USP15: variants seen among roughly 807,000 people sequenced by gnomAD.
USP15 encodes ubiquitin carboxyl-terminal hydrolase 15.
In USP15, 18 loss-of-function variants were observed where a neutral mutation model predicts 127.1. The ratio of observed to expected loss-of-function variants is 0.14; its 90% CI spans 0.10 to 0.21. USP15 has a LOEUF of 0.21. USP15 is among the 10% of genes least tolerant of loss of function. The probability of loss-of-function intolerance (pLI) is 1.00; values close to 1 mark genes in which losing one functional copy is unlikely to be tolerated. For synonymous variants in USP15, 364 were observed against 393.7 expected, an observed-to-expected ratio of 0.92 and a Z score of 0.89; for missense variants, 805 against 1,159.9, an observed-to-expected ratio of 0.69 and a Z score of 4.44.
At chr12:62,378,856 G>A (rs1358060338) in intron 8 of USP15, among the ~76,000 whole-genome samples, 3 of 152,040 alleles carry the variant, frequency 2.0e-5, no homozygotes, top group Admixed American at 6.6e-5. Context: ...AAACATTGAA[G>A]GAAAAGAGTA....
chr12:62,375,550 G>A (rs2066800982), intron 8 of USP15, among the ~76,000 whole-genome samples: 1 of 152,054 alleles, frequency 6.6e-6, no homozygotes, highest in South Asian at 2.1e-4. Flanking sequence ...CGGAGTTCGA[G>A]GTATCAAGTT....
intron 11 of USP15, among the ~76,000 whole-genome samples, chr12:62,388,203 G>T (rs1014522947): frequency 7.1e-6 from 1 of 140,912 alleles, no homozygotes; most frequent in African/African-American, 2.7e-5. Context: ...TGTGATCTCA[G>T]CTCACTGCAA....
At chr12:62,389,276 G>A (rs1285977229) in intron 11 of USP15, among the ~76,000 whole-genome samples, 155 bp from the exon 12 acceptor site, 1 of 152,170 alleles carries the variant, frequency 6.6e-6, no homozygotes, top group African/African-American at 2.4e-5. Context: ...ATCCATGTGG[G>A]CATTGTCACA....
At chr12:62,303,995 G>A (rs970965749) in intron 3 of USP15, among the ~76,000 whole-genome samples, 1 of 151,172 alleles carries the variant, frequency 6.6e-6, no homozygotes, top group South Asian at 2.1e-4. Context: ...CTGTAAAACT[G>A]TCTAGAATTA....
intron 1 of USP15, among the ~76,000 whole-genome samples, chr12:62,284,451 T>C (rs1013215280): frequency 1.3e-5 from 2 of 152,220 alleles, no homozygotes; most frequent in Admixed American, 1.3e-4. Flanking sequence ...ATTCTGCATA[T>C]CCACTTTTAG....
Position 62,414,931 on chromosome 12 carries a change from CAT to C in USP15, c.*10561_*10562del, listed in dbSNP as rs2068120127. ...CCAATAGGATGCATATGTGTATACA[CAT>C]ATATGTATAGCTCTCTCCCTCATAT... On this transcript the variant is annotated 3_prime_UTR_variant, in exon 22 of 22. Coordinates refer to ENST00000280377, the MANE Select transcript of USP15 (RefSeq NM_001252078.2). The C allele has an allele frequency of 6.6e-6, 1 of 151,376 alleles. No individual in the cohort carries two copies. The highest frequency in any genetic ancestry group is 1.5e-5 in the Non-Finnish European group (1 of 67,918). 9.4% of individuals were successfully genotyped at this position (151,376 alleles called of 1,614,324 possible). A position where few individuals can be genotyped will look rare whatever the true frequency, so the allele number is the denominator to read the frequency against.
intron 4 of USP15, among the ~76,000 whole-genome samples, chr12:62,315,455 C>T (rs1215308560): frequency 1.3e-5 from 2 of 151,712 alleles, no homozygotes; most frequent in Non-Finnish European, 1.5e-5. Flanking sequence ...ATTTAAAAGA[C>T]ACATTTTTAA....
intron 6 of USP15, chr12:62,336,104 G>T: frequency 1.0e-6 from 1 of 985,352 alleles, no homozygotes; most frequent in Non-Finnish European, 1.2e-6. Context: ...GACCTTAAAT[G>T]CATTGACATT....
intron 1 of USP15, among the ~76,000 whole-genome samples, chr12:62,288,181 G>A (rs1429347683): frequency 1.3e-5 from 2 of 151,834 alleles, no homozygotes; most frequent in East Asian, 1.9e-4. Flanking sequence ...TGCTTTGGGC[G>A]GGGAAGTATG....
At position 62,392,022 on chromosome 12, in the gene USP15, A is replaced by C. The variant is rs552081085; in HGVS notation, c.2304+136A>C. 15 of 954,554 alleles carry C rather than the reference A, an allele frequency of 1.6e-5. 1 individual carries two copies. The highest frequency in any genetic ancestry group is 1.0e-4 in the African/African-American group (6 of 59,160). 59.1% of individuals were successfully genotyped at this position (954,554 alleles called of 1,614,324 possible). A position where few individuals can be genotyped will look rare whatever the true frequency, so the allele number is the denominator to read the frequency against. On this transcript the variant is annotated intron_variant, in intron 17 of 21. Coordinates refer to ENST00000280377, the MANE Select transcript of USP15 (RefSeq NM_001252078.2). ...TTTGCCAGTAAAAAATTGGTCATGAACTAGAAAAAAAAGTCTTTGCAAAAA... is the reference window on the plus strand; with the variant it reads ...TTTGCCAGTAAAAAATTGGTCATGACCTAGAAAAAAAAGTCTTTGCAAAAA...
chr12:62,360,267 T>TA (rs542075559), intron 8 of USP15, among the ~76,000 whole-genome samples: 233 of 152,286 alleles, frequency 1.5e-3, no homozygotes, highest in African/African-American at 5.5e-3. Flanking sequence ...ATCAAAGACT[T>TA]ATTCATTATT....
chr12:62,309,520 C>A (rs1164804553), intron 3 of USP15, among the ~76,000 whole-genome samples: 1 of 152,008 alleles, frequency 6.6e-6, no homozygotes, highest in African/African-American at 2.4e-5. Context: ...CACACAGATT[C>A]TTTCTGAGAA....
chr12:62,389,677 A>G lies in USP15; in HGVS notation c.1630A>G (p.Met544Val). ...TATGGATGAAAACCTTAGTAGTATTATGGAACGGGATGATATTTATGTGTA... is the reference window on the plus strand; with the variant it reads ...TATGGATGAAAACCTTAGTAGTATTGTGGAACGGGATGATATTTATGTGTA... ...FAMDENLSSI[M>V]ERDDIYVFEI... The change falls in exon 13 of 22, where the codon ATG (methionine) becomes GTG (valine). Residue 544 changes from methionine (M) to valine (V), a missense_variant. Physicochemically the swap from Met to Val is conservative, Grantham distance 21 (BLOSUM62 1). Around this residue, in one of 11 missense-constraint regions of USP15, gnomAD observed 82 missense variants for 104.4 expected, o/e 0.79. Transcript: ENST00000280377. 1.2e-6 allele frequency: 2 copies of G among 1,613,282 alleles called. No individual in the cohort carries two copies. The highest frequency in any genetic ancestry group is 1.7e-6 in the Non-Finnish European group (2 of 1,179,448).
chr12:62,393,198 A>G lies in USP15; in HGVS notation c.2566A>G (p.Ile856Val). ...GTTGGATACCTTAGTTGATTTTCCTATCAAGTAAGCTTTAATTGTACTTTA... is the reference window on the plus strand; with the variant it reads ...GTTGGATACCTTAGTTGATTTTCCTGTCAAGTAAGCTTTAATTGTACTTTA... Reference protein sequence around the residue: ...DKLDTLVDFPINDLDMSEFLI... With the variant: ...DKLDTLVDFPVNDLDMSEFLI... The change falls in exon 19 of 22, where the codon ATC becomes GTC. Residue 856 changes from isoleucine to valine, a missense_variant. Ile to Val is a conservative substitution (Grantham distance 29). Transcript: ENST00000280377. 6.2e-7 allele frequency: 1 copy of G among 1,612,300 alleles called. No homozygotes were observed. Among genetic ancestry groups the G allele is most frequent in the Non-Finnish European group, 8.5e-7 (1 of 1,179,230 alleles).
intron 2 of USP15, among the ~76,000 whole-genome samples, chr12:62,295,829 G>A (rs1402354531): frequency 6.6e-6 from 1 of 152,204 alleles, no homozygotes; most frequent in Non-Finnish European, 1.5e-5. Flanking sequence ...TGGTAAGCAA[G>A]ACTAACCCCC....
chr12:62,298,287 G>A (rs1206393776), intron 2 of USP15, among the ~76,000 whole-genome samples: 1 of 152,124 alleles, frequency 6.6e-6, no homozygotes, highest in African/African-American at 2.4e-5. Context: ...CACTGTGGGA[G>A]GCCAAAGTGG....
chr12:62,363,504 A>G (rs558974972), intron 8 of USP15, among the ~76,000 whole-genome samples: 1 of 152,146 alleles, frequency 6.6e-6, no homozygotes, highest in East Asian at 1.9e-4. Flanking sequence ...TTGCACTCTC[A>G]CTTCCATTAG....
chr12:62,360,985 C>T (rs1175857051), intron 8 of USP15, among the ~76,000 whole-genome samples: 2 of 151,940 alleles, frequency 1.3e-5, no homozygotes, highest in Non-Finnish European at 2.9e-5. Flanking sequence ...TGTAAACAAC[C>T]TTACTTGCAT....
chr12:62,366,791 G>T (rs559139464), intron 8 of USP15, among the ~76,000 whole-genome samples: 1 of 152,140 alleles, frequency 6.6e-6, no homozygotes, highest in African/African-American at 2.4e-5. Context: ...GGCCTTTTCT[G>T]CATCTATTGA....
Sources: gnomAD v4.1 joint callset for allele counts (sites outside exome capture counted in the v4.1 genomes callset) on GRCh38, gnomAD v4.1.1 for gene constraint, gnomAD v4.1.1 regional missense constraint, MANE v1.5 for transcripts, NCBI Gene and HGNC (gene_info 2026-07-23, HGNC 2026-07-21) for gene names.